The following MACROD2 variants were observed in gnomAD, a reference collection of about 807,000 sequenced individuals.
The protein encoded by MACROD2 is mono-ADP ribosylhydrolase 2, also known as ADP-ribose glycohydrolase MACROD2.
A neutral mutation model predicts 70.4 loss-of-function variants in MACROD2; 36 were observed. That is an observed-to-expected ratio of 0.51 (90% CI 0.39 to 0.68). The LOEUF (loss-of-function observed/expected upper bound fraction) is 0.68, where lower values mean the gene tolerates loss of function less well. Among genes scored for constraint, MACROD2 ranks in the 30% least tolerant of loss-of-function variants. MACROD2 has a pLI of 0.00. For missense variants in MACROD2, 496 were observed against 538.4 expected (o/e 0.92, Z 0.78); for synonymous variants, 172 against 178.8 (o/e 0.96, Z 0.30).
At chr20:15,458,323 T>G (rs987533338) in intron 7 of MACROD2, among the ~76,000 whole-genome samples, 2 of 152,128 alleles carry the variant, frequency 1.3e-5, no homozygotes, top group Admixed American at 1.3e-4. Context: ...GGAAGTTCCC[T>G]ATAATAGTGA....
At chr20:14,559,336 A>C (rs886811343) in intron 4 of MACROD2, among the ~76,000 whole-genome samples, 61 of 151,854 alleles carry the variant, frequency 4.0e-4, no homozygotes, top group African/African-American at 1.4e-3. Context: ...TACACAAATA[A>C]TTTATTTTAC....
intron 3 of MACROD2, among the ~76,000 whole-genome samples, chr20:14,336,064 G>A (rs2082930850): frequency 6.6e-6 from 1 of 152,030 alleles, no homozygotes; most frequent in African/African-American, 2.4e-5. Context: ...TTTGGGTCAG[G>A]TATAAGTGAT....
chr20:15,505,970 G>A (rs908706538), intron 8 of MACROD2, among the ~76,000 whole-genome samples: 1 of 152,090 alleles, frequency 6.6e-6, no homozygotes, highest in South Asian at 2.1e-4. Flanking sequence ...GCCTTCGGAG[G>A]GAAACACAAC....
At chr20:14,565,908 T>C (rs760878312) in intron 4 of MACROD2, among the ~76,000 whole-genome samples, 19 of 151,886 alleles carry the variant, frequency 1.3e-4, no homozygotes, top group Non-Finnish European at 2.8e-4. Flanking sequence ...ACCTAGAGGT[T>C]GAGACAGCAT....
intron 5 of MACROD2, among the ~76,000 whole-genome samples, chr20:14,946,180 C>G (rs1050914061): frequency 3.4e-5 from 5 of 147,356 alleles, no homozygotes; most frequent in Non-Finnish European, 7.4e-5. Context: ...GCCTGGGTGA[C>G]AAGAACAAAA....
intron 10 of MACROD2, among the ~76,000 whole-genome samples, chr20:15,905,348 G>T (rs1441522954): frequency 2.6e-5 from 4 of 152,192 alleles, no homozygotes; most frequent in African/African-American, 9.7e-5. Flanking sequence ...GTTTATCAGG[G>T]CATAGACAGT....
intron 8 of MACROD2, among the ~76,000 whole-genome samples, chr20:15,614,499 T>G (rs1322157895): frequency 6.6e-6 from 1 of 152,202 alleles, no homozygotes; most frequent in African/African-American, 2.4e-5. Flanking sequence ...GAAGGTGTGC[T>G]CCAAGCCACA....
chr20:15,256,117 G>C (rs547571041), intron 6 of MACROD2, among the ~76,000 whole-genome samples: 1 of 152,108 alleles, frequency 6.6e-6, no homozygotes, highest in South Asian at 2.1e-4. Context: ...TGGGAATCTT[G>C]AATTTATAAA....
intron 15 of MACROD2, among the ~76,000 whole-genome samples, chr20:16,023,839 G>A (rs2067038872): frequency 6.6e-6 from 1 of 151,788 alleles, no homozygotes; most frequent in Non-Finnish European, 1.5e-5. Context: ...TTTTAGTGAA[G>A]AGCAGTCAGT....
At chr20:14,240,370 C>T (rs988103488) in intron 3 of MACROD2, among the ~76,000 whole-genome samples, 3 of 151,894 alleles carry the variant, frequency 2.0e-5, no homozygotes, top group African/African-American at 4.8e-5. Context: ...AATCATTATG[C>T]AAAAAAGAAA....
chr20:15,736,557 A>C (rs200022218), intron 8 of MACROD2, among the ~76,000 whole-genome samples: 2 of 21,198 alleles, frequency 9.4e-5, no homozygotes, highest in Non-Finnish European at 9.2e-4. Context: ...TAATTTGAGT[A>C]GAGGAGATAA....
In MACROD2 at chr20:14,319,930, G is replaced by C. The variant is rs187251778; in HGVS notation, c.272-173549G>C. Among the ~76,000 whole-genome samples the C allele has an allele frequency of 1.6e-4, 25 of 152,154 alleles. 1 individual carries two copies. The highest frequency in any genetic ancestry group is 5.3e-4 in the African/African-American group (22 of 41,510). ...TGTTAATACTCACCTCTTAGATGTG[G>C]TTTCCCTTCCTGATGCTGAGGATAT... On this transcript the variant is annotated intron_variant, in intron 3 of 17. Coordinates refer to ENST00000684519, the MANE Select transcript of MACROD2 (RefSeq NM_001351661.2).
intron 8 of MACROD2, among the ~76,000 whole-genome samples, chr20:15,770,966 G>A (rs990722631): frequency 1.3e-5 from 2 of 152,168 alleles, no homozygotes; most frequent in African/African-American, 4.8e-5. Context: ...AATGAGGAAT[G>A]AGAGTGTGTT....
At chr20:14,476,386 C>T (rs1421921813) in intron 3 of MACROD2, among the ~76,000 whole-genome samples, 1 of 152,108 alleles carries the variant, frequency 6.6e-6, no homozygotes, top group Non-Finnish European at 1.5e-5. Flanking sequence ...GACAAAGTCT[C>T]CCTCTGTCAC....
At chr20:14,907,646 G>A (rs1446722879) in intron 5 of MACROD2, among the ~76,000 whole-genome samples, 1 of 152,146 alleles carries the variant, frequency 6.6e-6, no homozygotes, top group Non-Finnish European at 1.5e-5. Flanking sequence ...GGAATAGAAA[G>A]CGCAAAGACA....
At chr20:15,842,146 A>T (rs557554883) in intron 8 of MACROD2, among the ~76,000 whole-genome samples, 39 of 152,226 alleles carry the variant, frequency 2.6e-4, no homozygotes, top group Non-Finnish European at 4.9e-4. Context: ...ACAAGGCAAC[A>T]TTTAACTCTT....
At chr20:14,598,910 A>C (rs1982310171) in intron 4 of MACROD2, among the ~76,000 whole-genome samples, 1 of 152,186 alleles carries the variant, frequency 6.6e-6, no homozygotes, top group Non-Finnish European at 1.5e-5. Flanking sequence ...CTCGAAGCAC[A>C]TCTTAATTAT....
At chr20:15,334,172 A>G (rs2078023244) in intron 6 of MACROD2, among the ~76,000 whole-genome samples, 1 of 151,572 alleles carries the variant, frequency 6.6e-6, no homozygotes, top group Non-Finnish European at 1.5e-5. Context: ...TCTAAAACTG[A>G]CTTCTTAAAG....
At chr20:14,945,985 A>G (rs1018561945) in intron 5 of MACROD2, among the ~76,000 whole-genome samples, 2 of 152,116 alleles carry the variant, frequency 1.3e-5, no homozygotes, top group Admixed American at 1.3e-4. Flanking sequence ...AGGTGGGTGG[A>G]TCACCTGAGG....
Sources: allele counts gnomAD v4.1 joint callset (sites outside exome capture counted in the v4.1 genomes callset), GRCh38; gene constraint gnomAD v4.1.1; transcripts MANE v1.5; gene names NCBI Gene and HGNC (gene_info 2026-07-23, HGNC 2026-07-21).